LARS2: variants seen among roughly 807,000 people sequenced by gnomAD.
The protein encoded by LARS2 is leucyl-tRNA synthetase 2, mitochondrial.
Under a neutral mutation model 116.6 loss-of-function variants are expected in LARS2, and 81 were observed. The ratio of observed to expected loss-of-function variants is 0.69; its 90% CI spans 0.58 to 0.84. The LOEUF (loss-of-function observed/expected upper bound fraction) is 0.84. LARS2 is among the 40% of genes least tolerant of loss of function. LARS2 has a pLI of 0.00. For synonymous variants in LARS2, 396 were observed against 407.2 expected (o/e 0.97, Z 0.33); for missense variants, 968 against 1,114.5 (o/e 0.87, Z 1.87).
chr3:45,439,049 G>C (rs1336242878), intron 6 of LARS2, among the ~76,000 whole-genome samples: 1 of 151,980 alleles, frequency 6.6e-6, no homozygotes, highest in African/African-American at 2.4e-5. Flanking sequence ...CCATTTAGTA[G>C]CATCTAAGTG....
At chr3:45,518,458 A>G (rs928574283) in intron 18 of LARS2, among the ~76,000 whole-genome samples, 1 of 152,112 alleles carries the variant, frequency 6.6e-6, no homozygotes, top group African/African-American at 2.4e-5. Flanking sequence ...CAGAAATACA[A>G]TTTTAGAGTT....
chr3:45,460,252 C>T (rs186325995), intron 8 of LARS2, among the ~76,000 whole-genome samples: 5 of 152,292 alleles, frequency 3.3e-5, no homozygotes, highest in Admixed American at 3.3e-4. Context: ...CTTTTAAGCA[C>T]AGCAATATTG....
Position 45,516,250 on chromosome 3 carries a change from A to G in LARS2, c.2018A>G (p.Glu673Gly), listed in dbSNP as rs763659716. Residue 673 changes from glutamate to glycine, a missense_variant, in exon 17 of 22, where the codon GAG (glutamate) becomes GGG (glycine). Glu to Gly is a moderately conservative substitution (Grantham distance 98, BLOSUM62 -2). Coordinates refer to ENST00000645846, the MANE Select transcript of LARS2 (RefSeq NM_015340.4). The part of the protein sequence containing the change: ...RLYILFAAPP[E>G]KDILWDVKTD... ...TACATCCTTTTTGCTGCCCCTCCTG[A>G]GAAGGATATCTTGTGGGATGTGAAA... 3 of 1,613,920 alleles carry G rather than the reference A, an allele frequency of 1.9e-6. No homozygotes were observed. Among genetic ancestry groups the G allele is most frequent in the Admixed American group, 1.7e-5 (1 of 59,972 alleles).
At chr3:45,517,610 GGCTCATCTTGACCAA>G (rs1448131047) in intron 17 of LARS2, among the ~76,000 whole-genome samples, 1 of 152,160 alleles carries the variant, frequency 6.6e-6, no homozygotes, top group Non-Finnish European at 1.5e-5. Flanking sequence ...GGGGCACCAG[GGCTCATCTTGACCAA>G]GCTTCTGAGC....
intron 13 of LARS2, among the ~76,000 whole-genome samples, chr3:45,492,204 T>C (rs1347188841): frequency 6.6e-6 from 1 of 152,220 alleles, no homozygotes; most frequent in Non-Finnish European, 1.5e-5. Context: ...ATAGTGACTG[T>C]AACAACAGTG....
At chr3:45,406,161 G>T (rs574710516) in intron 4 of LARS2, among the ~76,000 whole-genome samples, 2 of 152,328 alleles carry the variant, frequency 1.3e-5, no homozygotes, top group Admixed American at 1.3e-4. Flanking sequence ...ATTGGAGCCT[G>T]TGGAATTTGA....
chr3:45,494,845 A>G (rs1294372386), intron 13 of LARS2, among the ~76,000 whole-genome samples: 2 of 152,212 alleles, frequency 1.3e-5, no homozygotes, highest in Non-Finnish European at 2.9e-5. Flanking sequence ...AGGCAGGCGG[A>G]TCACTTGAGG....
chr3:45,544,872 G>C (rs188743653), intron 21 of LARS2, among the ~76,000 whole-genome samples: 139 of 152,282 alleles, frequency 9.1e-4, no homozygotes, highest in Middle Eastern at 3.4e-3. Context: ...ACAAACATAG[G>C]GGGGCAGGCC....
chr3:45,479,991 C>G (rs1171644547), intron 10 of LARS2, among the ~76,000 whole-genome samples: 1 of 152,174 alleles, frequency 6.6e-6, no homozygotes, highest in East Asian at 1.9e-4. Context: ...GCAAGAGCCT[C>G]CCTGGAAGCC....
At chr3:45,434,046 A>C (rs1698763544) in intron 6 of LARS2, among the ~76,000 whole-genome samples, 1 of 151,896 alleles carries the variant, frequency 6.6e-6, no homozygotes, top group Non-Finnish European at 1.5e-5. Flanking sequence ...TTTGATTATG[A>C]TGTGTTTTGG....
chr3:45,432,072 G>A (rs1376247765), intron 6 of LARS2, among the ~76,000 whole-genome samples: 1 of 152,082 alleles, frequency 6.6e-6, no homozygotes, highest in African/African-American at 2.4e-5. Flanking sequence ...AGACAAAGAA[G>A]AGCATTATAA....
At chr3:45,441,599 TG>T (rs1269169125) in intron 6 of LARS2, among the ~76,000 whole-genome samples, 2 of 152,146 alleles carry the variant, frequency 1.3e-5, no homozygotes, top group Non-Finnish European at 2.9e-5. Context: ...GAGGCTTCAG[TG>T]GGGCACATGG....
rs116674194 is a variant in LARS2, at chr3:45,472,183, G to C, written c.751-2060G>C. Among the ~76,000 whole-genome samples the C allele has an allele frequency of 3.5e-3, 540 of 152,324 alleles. 5 individuals carry two copies. Among genetic ancestry groups the C allele is most frequent in the African/African-American group, 0.012 (519 of 41,568 alleles). On this transcript the variant is annotated intron_variant, in intron 8 of 21. Transcript: ENST00000645846. ...CCACAATCTTTTCCCAAAATGGTCTGGTTAAGCCATTGCTGCCATTGGTAC... is the reference window on the plus strand; with the variant it reads ...CCACAATCTTTTCCCAAAATGGTCTCGTTAAGCCATTGCTGCCATTGGTAC...
chr3:45,428,691 C>CT (rs1698640748), intron 6 of LARS2, among the ~76,000 whole-genome samples: 1 of 152,194 alleles, frequency 6.6e-6, no homozygotes, highest in African/African-American at 2.4e-5. Context: ...AGTATGTGTT[C>CT]TTTGGTGTCT....
intron 16 of LARS2, among the ~76,000 whole-genome samples, chr3:45,514,468 G>A (rs1327250357): frequency 6.6e-6 from 1 of 152,212 alleles, no homozygotes; most frequent in Non-Finnish European, 1.5e-5. Flanking sequence ...AGAAAAAGAA[G>A]CTGGAGAAGC....
chr3:45,486,039 C>T (rs1699806420), intron 11 of LARS2, among the ~76,000 whole-genome samples: 1 of 151,928 alleles, frequency 6.6e-6, no homozygotes, highest in Admixed American at 6.6e-5. Flanking sequence ...ACCTACAAAT[C>T]TTGCCAGTAG....
At chr3:45,475,691 G>A (rs1484499498) in intron 9 of LARS2, among the ~76,000 whole-genome samples, 1 of 152,260 alleles carries the variant, frequency 6.6e-6, no homozygotes, top group Non-Finnish European at 1.5e-5. Context: ...GGGCAACATA[G>A]TGTCTCAGGA....
At chr3:45,405,953 C>A (rs1379925046) in intron 4 of LARS2, among the ~76,000 whole-genome samples, 1 of 152,102 alleles carries the variant, frequency 6.6e-6, no homozygotes, top group Non-Finnish European at 1.5e-5. Flanking sequence ...CCACATCCAA[C>A]CTCAAAGAGG....
chr3:45,547,166 C>G (rs1374776938), intron 21 of LARS2, among the ~76,000 whole-genome samples, 185 bp from the exon 22 acceptor site: 1 of 152,160 alleles, frequency 6.6e-6, no homozygotes, highest in Non-Finnish European at 1.5e-5. Context: ...AGGCATTAAT[C>G]CTATTCAGCT....
Sources: allele counts gnomAD v4.1 joint callset (sites outside exome capture counted in the v4.1 genomes callset), GRCh38; gene constraint gnomAD v4.1.1; transcripts MANE v1.5; gene names NCBI Gene and HGNC (gene_info 2026-07-23, HGNC 2026-07-21).